UNC5C: variants seen among roughly 807,000 people sequenced by gnomAD.
The protein encoded by UNC5C is unc-5 netrin receptor C.
In UNC5C, 47 loss-of-function variants were observed where a neutral mutation model predicts 99.8. That is an observed-to-expected ratio of 0.47 (90% CI 0.37 to 0.60). The LOEUF (loss-of-function observed/expected upper bound fraction) is 0.60, where lower values mean the gene tolerates loss of function less well. Among genes scored for constraint, UNC5C ranks in the 20% least tolerant of loss-of-function variants. The pLI is 0.00. For synonymous variants in UNC5C, 487 were observed against 452.2 expected (o/e 1.08, Z -0.98); for missense variants, 1,062 against 1,165.9 (o/e 0.91, Z 1.30).
At chr4:95,496,962 G>A (rs1405273916) in intron 1 of UNC5C, among the ~76,000 whole-genome samples, 1 of 151,848 alleles carries the variant, frequency 6.6e-6, no homozygotes, top group African/African-American at 2.4e-5. Flanking sequence ...ACTTCATTTA[G>A]AATAACAACC....
At chr4:95,244,769 G>A (rs3733211) in intron 6 of UNC5C, among the ~76,000 whole-genome samples, 88,653 of 151,704 alleles carry the variant, frequency 0.58, 26,986 homozygotes, top group East Asian at 0.85. Flanking sequence ...CTCCTGTTTT[G>A]TACAATTTTG....
intron 7 of UNC5C, among the ~76,000 whole-genome samples, chr4:95,237,300 T>A (rs1414042929): frequency 6.6e-6 from 1 of 152,210 alleles, no homozygotes; most frequent in Non-Finnish European, 1.5e-5. Flanking sequence ...TCAAAGGGTA[T>A]GATAACTTTA....
intron 2 of UNC5C, among the ~76,000 whole-genome samples, chr4:95,310,127 T>C (rs1174447491): frequency 1.3e-5 from 2 of 152,072 alleles, no homozygotes; most frequent in African/African-American, 4.8e-5. Context: ...GGAAATATTT[T>C]GATTTGCCAC....
At chr4:95,332,963 C>T (rs1302728363) in intron 2 of UNC5C, among the ~76,000 whole-genome samples, 9 of 152,014 alleles carry the variant, frequency 5.9e-5, no homozygotes, top group Admixed American at 2.6e-4. Flanking sequence ...AAAAAACACA[C>T]GAAAAAAGGC....
At chr4:95,455,873 C>A (rs1448166704) in intron 1 of UNC5C, among the ~76,000 whole-genome samples, 1 of 152,044 alleles carries the variant, frequency 6.6e-6, no homozygotes, top group Non-Finnish European at 1.5e-5. Flanking sequence ...GTATTCCACT[C>A]AGGTAACAAG....
chr4:95,300,204 G>A (rs747659548), intron 3 of UNC5C, among the ~76,000 whole-genome samples: 4 of 152,172 alleles, frequency 2.6e-5, no homozygotes, highest in African/African-American at 4.8e-5. Flanking sequence ...GACAGGTTAC[G>A]TGGCATCCAT....
chr4:95,364,060 T>C (rs966772262), intron 1 of UNC5C, among the ~76,000 whole-genome samples: 1 of 152,200 alleles, frequency 6.6e-6, no homozygotes, highest in Non-Finnish European at 1.5e-5. Flanking sequence ...AAATGACCCA[T>C]CTCAATGACT....
At chr4:95,478,346 G>GT (rs2149476796) in intron 1 of UNC5C, among the ~76,000 whole-genome samples, 2 of 151,990 alleles carry the variant, frequency 1.3e-5, no homozygotes, top group East Asian at 3.9e-4. Flanking sequence ...CATTTTTCTT[G>GT]TTTTCAGCTG....
At chr4:95,276,080 C>A (rs1056435978) in intron 4 of UNC5C, among the ~76,000 whole-genome samples, 1 of 152,088 alleles carries the variant, frequency 6.6e-6, no homozygotes, top group Non-Finnish European at 1.5e-5. Context: ...TCGTATAATC[C>A]TTTAACTCAC....
intron 1 of UNC5C, among the ~76,000 whole-genome samples, chr4:95,407,319 T>C (rs948473532): frequency 6.6e-6 from 1 of 151,950 alleles, no homozygotes; most frequent in Non-Finnish European, 1.5e-5. Flanking sequence ...TGCTAAAGGG[T>C]ATGTTTCACC....
At chr4:95,307,094 C>T (rs1742087490) in intron 2 of UNC5C, among the ~76,000 whole-genome samples, 4 of 152,026 alleles carry the variant, frequency 2.6e-5, no homozygotes, top group Admixed American at 2.6e-4. Flanking sequence ...CATCTTATAA[C>T]TCTCGTTAAA....
chr4:95,241,342 T>C (rs569423143), intron 7 of UNC5C, among the ~76,000 whole-genome samples: 2 of 152,326 alleles, frequency 1.3e-5, no homozygotes, highest in African/African-American at 4.8e-5. Context: ...AAGAGGCCTA[T>C]TGGATTTTTA....
At chr4:95,473,911 T>C (rs556575833) in intron 1 of UNC5C, among the ~76,000 whole-genome samples, 1 of 152,186 alleles carries the variant, frequency 6.6e-6, no homozygotes, top group African/African-American at 2.4e-5. Flanking sequence ...GATTTCAAGG[T>C]CCAAATCCCT....
intron 12 of UNC5C, 71 bp from the exon 13 acceptor site, chr4:95,185,267 T>TAAG: frequency 6.6e-7 from 1 of 1,511,520 alleles, no homozygotes; most frequent in Non-Finnish European, 8.8e-7. Context: ...TCTCATTGAA[T>TAAG]AAGTTTCTTT....
intron 1 of UNC5C, among the ~76,000 whole-genome samples, chr4:95,525,743 G>GT (rs1187361791): frequency 6.6e-6 from 1 of 151,946 alleles, no homozygotes; most frequent in Non-Finnish European, 1.5e-5. Flanking sequence ...GTTGTATAGA[G>GT]TAACTACTCT....
At chr4:95,463,955 G>T (rs79541679) in intron 1 of UNC5C, among the ~76,000 whole-genome samples, 5,042 of 152,264 alleles carry the variant, frequency 0.033, 238 homozygotes, top group Admixed American at 0.1. Context: ...AAATAATGAA[G>T]CATTTTAATA....
At position 95,448,238 on chromosome 4, in the gene UNC5C, G is replaced by GAGAGACAGAGAC. The variant is rs1747175649; in HGVS notation, c.124+100495_124+100496insGTCTCTGTCTCT. Among the ~76,000 whole-genome samples, 17 of 137,042 alleles carry GAGAGACAGAGAC rather than the reference G, an allele frequency of 1.2e-4. 1 individual carries two copies. Among genetic ancestry groups the GAGAGACAGAGAC allele is most frequent in the Non-Finnish European group, 3.2e-5 (2 of 61,748 alleles). 89.9% of individuals were successfully genotyped at this position (137,042 alleles called of 152,430 possible). On this transcript the variant is annotated intron_variant, in intron 1 of 15. Coordinates refer to ENST00000453304, the MANE Select transcript of UNC5C (RefSeq NM_003728.4). ...TGTGTGTGTGTGTGTGAGAGAGAGA[G>GAGAGACAGAGAC]AGAGAGAGAGAGAGAGAGAGAGAGA...
intron 10 of UNC5C, among the ~76,000 whole-genome samples, chr4:95,215,780 T>G (rs747527333): frequency 6.6e-6 from 1 of 152,126 alleles, no homozygotes; most frequent in Admixed American, 6.5e-5. Context: ...CAGGCTGGAT[T>G]CCTGAGCCAG....
intron 1 of UNC5C, among the ~76,000 whole-genome samples, chr4:95,452,371 C>T (rs940105363): frequency 6.6e-6 from 1 of 152,048 alleles, no homozygotes; most frequent in Admixed American, 6.6e-5. Context: ...TCTGTCACTT[C>T]CATTATCATT....
Sources: allele counts gnomAD v4.1 joint callset (sites outside exome capture counted in the v4.1 genomes callset), GRCh38; gene constraint gnomAD v4.1.1; transcripts MANE v1.5; gene names NCBI Gene and HGNC (gene_info 2026-07-23, HGNC 2026-07-21).